The following NUBPL variants were observed in gnomAD, a reference collection of about 807,000 sequenced individuals.
The protein encoded by NUBPL is iron-sulfur cluster transfer protein NUBPL.
NUBPL carries 31 observed loss-of-function variants against 45.7 expected under a neutral mutation model. The observed-to-expected ratio is 0.68, with a 90% CI of 0.51 to 0.92. The LOEUF (loss-of-function observed/expected upper bound fraction) is 0.92, where lower values mean the gene tolerates loss of function less well. Among genes scored for constraint, NUBPL ranks in the 40% least tolerant of loss-of-function variants. The pLI is 0.00. For missense variants in NUBPL, 401 were observed against 398.7 expected (o/e 1.01, Z -0.05); for synonymous variants, 144 against 140.9 (o/e 1.02, Z -0.15).
chr14:31,756,321 C>T (rs2038662407), intron 6 of NUBPL, among the ~76,000 whole-genome samples: 1 of 152,086 alleles, frequency 6.6e-6, no homozygotes, highest in South Asian at 2.1e-4. Flanking sequence ...ATTGATTCTT[C>T]CTACCCATGA....
chr14:31,572,198 G>C (rs1421853076), intron 3 of NUBPL, among the ~76,000 whole-genome samples: 2 of 151,736 alleles, frequency 1.3e-5, no homozygotes, highest in Non-Finnish European at 2.9e-5. Flanking sequence ...GGAGTACAGT[G>C]GTGCAATCTT....
chr14:31,723,323 C>T (rs1303655336), intron 6 of NUBPL, among the ~76,000 whole-genome samples: 1 of 152,116 alleles, frequency 6.6e-6, no homozygotes, highest in Non-Finnish European at 1.5e-5. Flanking sequence ...GTACCAGTAC[C>T]ATGTTGTTTT....
chr14:31,684,335 T>C (rs1283153056), intron 6 of NUBPL, among the ~76,000 whole-genome samples: 1 of 152,236 alleles, frequency 6.6e-6, no homozygotes, highest in Non-Finnish European at 1.5e-5. Flanking sequence ...CATTTTAACT[T>C]ATCTTCAATT....
chr14:31,837,302 G>A (rs1057349335), intron 8 of NUBPL, among the ~76,000 whole-genome samples: 3 of 152,146 alleles, frequency 2.0e-5, no homozygotes, highest in Non-Finnish European at 4.4e-5. Context: ...CTGCATTCCA[G>A]CCTGAGCAGC....
In NUBPL at chr14:31,679,153, T is replaced by C. The variant is rs570451755; in HGVS notation, c.513+5579T>C. 3.9e-5 allele frequency among the ~76,000 whole-genome samples: 6 copies of C among 152,332 alleles called. No individual in the cohort carries two copies. The East Asian group carries it at 9.6e-4, about 24-fold the overall frequency. On this transcript the variant is annotated intron_variant, in intron 6 of 10. Coordinates refer to ENST00000281081, the MANE Select transcript of NUBPL (RefSeq NM_025152.3). Reference sequence around the variant, plus strand: ...ACAGATTCTCTGTGCCACACAGCTCTTGGGTGATGGGGAAGGGTGGAGACC... The same window carrying C: ...ACAGATTCTCTGTGCCACACAGCTCCTGGGTGATGGGGAAGGGTGGAGACC...
At chr14:31,634,839 GTGA>G (rs2035444255) in intron 4 of NUBPL, among the ~76,000 whole-genome samples, 1 of 150,426 alleles carries the variant, frequency 6.6e-6, no homozygotes, top group African/African-American at 2.5e-5. Context: ...CTGATGGCCA[GTGA>G]TGATGAGCAT....
At chr14:31,756,881 A>G (rs1426601367) in intron 6 of NUBPL, among the ~76,000 whole-genome samples, 1,512 of 148,802 alleles carry the variant, frequency 0.01, 26 homozygotes, top group African/African-American at 0.036. Context: ...TCCCATCAAT[A>G]CCTAATTTAT....
intron 6 of NUBPL, among the ~76,000 whole-genome samples, chr14:31,702,517 G>T (rs1451231095): frequency 6.6e-6 from 1 of 152,210 alleles, no homozygotes; most frequent in Non-Finnish European, 1.5e-5. Flanking sequence ...TTTGGGGCAA[G>T]GTTAAATTCT....
At chr14:31,818,712 C>T (rs2138938747) in intron 7 of NUBPL, among the ~76,000 whole-genome samples, 1 of 152,226 alleles carries the variant, frequency 6.6e-6, no homozygotes, top group Middle Eastern at 3.4e-3. Context: ...CCACGCCCGG[C>T]TAATGTTTTG....
At chr14:31,619,320 T>A (rs2139626479) in intron 4 of NUBPL, among the ~76,000 whole-genome samples, 1 of 152,350 alleles carries the variant, frequency 6.6e-6, no homozygotes, top group Admixed American at 6.5e-5. Context: ...AATTTGATCC[T>A]GTCATTAGGA....
chr14:31,619,767 G>A (rs566259287), intron 4 of NUBPL, among the ~76,000 whole-genome samples: 1 of 152,044 alleles, frequency 6.6e-6, no homozygotes, highest in Non-Finnish European at 1.5e-5. Context: ...GTGCCTTAGG[G>A]TTGCTCTTTT....
At chr14:31,803,638 G>A (rs2039632579) in intron 7 of NUBPL, among the ~76,000 whole-genome samples, 1 of 152,136 alleles carries the variant, frequency 6.6e-6, no homozygotes, top group African/African-American at 2.4e-5. Context: ...CCATGCAAAT[G>A]TTGGGCAGAG....
At chr14:31,638,291 CA>C (rs2035568956) in intron 4 of NUBPL, among the ~76,000 whole-genome samples, 2 of 151,746 alleles carry the variant, frequency 1.3e-5, no homozygotes, top group South Asian at 4.2e-4. Context: ...CTGGTGGTGA[CA>C]AAATCTCTCA....
At chr14:31,790,159 A>T (rs2039353017) in intron 7 of NUBPL, among the ~76,000 whole-genome samples, 1 of 152,204 alleles carries the variant, frequency 6.6e-6, no homozygotes, top group Non-Finnish European at 1.5e-5. Context: ...CCTCACACAG[A>T]TAAACTGATG....
chr14:31,641,928 A>G (rs1270785870), intron 4 of NUBPL, among the ~76,000 whole-genome samples: 1 of 152,178 alleles, frequency 6.6e-6, no homozygotes, highest in Non-Finnish European at 1.5e-5. Flanking sequence ...TTCTCTGATC[A>G]TTAGTGATGT....
At chr14:31,729,279 C>CCCG (rs144573108) in intron 6 of NUBPL, among the ~76,000 whole-genome samples, 118 of 78,500 alleles carry the variant, frequency 1.5e-3, no homozygotes, top group East Asian at 0.013. Context: ...GCTCCATCCC[C>CCCG]CCCCCCCCCA....
At chr14:31,598,793 C>T (rs937241245) in intron 3 of NUBPL, among the ~76,000 whole-genome samples, 2 of 152,220 alleles carry the variant, frequency 1.3e-5, no homozygotes, top group African/African-American at 4.8e-5. Context: ...AGATCTACAT[C>T]AGAGTTTCTC....
chr14:31,636,568 C>G (rs1345837185), intron 4 of NUBPL, among the ~76,000 whole-genome samples: 1 of 152,090 alleles, frequency 6.6e-6, no homozygotes, highest in Non-Finnish European at 1.5e-5. Flanking sequence ...GGTTGTGTCT[C>G]TGCCTGGCTT....
At chr14:31,738,173 A>C (rs373588578) in intron 6 of NUBPL, among the ~76,000 whole-genome samples, 1 of 152,238 alleles carries the variant, frequency 6.6e-6, no homozygotes, top group African/African-American at 2.4e-5. Flanking sequence ...TTTTGCTTAC[A>C]TTACTTCAAC....
Sources: allele counts gnomAD v4.1 joint callset (sites outside exome capture counted in the v4.1 genomes callset), GRCh38; gene constraint gnomAD v4.1.1; transcripts MANE v1.5; gene names NCBI Gene and HGNC (gene_info 2026-07-23, HGNC 2026-07-21).